The following COL21A1 variants were observed in gnomAD, a reference collection of about 807,000 sequenced individuals.
COL21A1 encodes collagen alpha-1(XXI) chain.
COL21A1 carries 149 observed loss-of-function variants against 137.9 expected under a neutral mutation model. The ratio of observed to expected loss-of-function variants is 1.08; its 90% CI spans 0.95 to 1.24. COL21A1 has a LOEUF of 1.24. Ranked by LOEUF, COL21A1 falls within the 50% of genes most tolerant of loss-of-function variation. The pLI, the probability that COL21A1 is intolerant of heterozygous loss-of-function variation, is 0.00. For synonymous variants in COL21A1, 456 were observed against 391.5 expected (o/e 1.16, Z -1.95); for missense variants, 1,167 against 1,158.4 (o/e 1.01, Z -0.11).
chr6:56,295,013 T>TTTTTATA (rs1764130800), intron 1 of COL21A1, among the ~76,000 whole-genome samples: 1 of 151,992 alleles, frequency 6.6e-6, no homozygotes, highest in Non-Finnish European at 1.5e-5. Context: ...AAAGTCAAAG[T>TTTTTATA]CACTTAAGAG....
intron 1 of COL21A1, among the ~76,000 whole-genome samples, chr6:56,364,460 T>A (rs1306025894): frequency 1.3e-5 from 2 of 152,206 alleles, no homozygotes; most frequent in East Asian, 3.8e-4. Context: ...TTCCCATTTG[T>A]CTAGAAGAGA....
intron 17 of COL21A1, among the ~76,000 whole-genome samples, chr6:56,092,827 T>G (rs770552311): frequency 2.0e-5 from 3 of 152,158 alleles, no homozygotes; most frequent in Non-Finnish European, 4.4e-5. Context: ...ACAACAGAAT[T>G]TTATTCCCTC....
At chr6:56,181,679 A>G (rs1777902847) in intron 2 of COL21A1, among the ~76,000 whole-genome samples, 1 of 152,170 alleles carries the variant, frequency 6.6e-6, no homozygotes, top group Non-Finnish European at 1.5e-5. Context: ...CATAATATCC[A>G]TCCTGAGAAC....
intron 1 of COL21A1, among the ~76,000 whole-genome samples, chr6:56,293,860 G>A (rs1764108641): frequency 6.6e-6 from 1 of 152,116 alleles, no homozygotes; most frequent in South Asian, 2.1e-4. Flanking sequence ...AATGCATTCA[G>A]CCATGAGAAA....
At chr6:56,225,480 T>C (rs142730707) in intron 1 of COL21A1, among the ~76,000 whole-genome samples, 18 of 152,182 alleles carry the variant, frequency 1.2e-4, no homozygotes, top group Non-Finnish European at 2.5e-4. Context: ...CTATGGTAGC[T>C]AGTGGAATGA....
intron 1 of COL21A1, among the ~76,000 whole-genome samples, chr6:56,260,711 GGC>G (rs1763246866): frequency 6.7e-6 from 1 of 150,236 alleles, no homozygotes. Context: ...CAGGCAGGCA[GGC>G]AGGAAGGGAG....
chr6:56,203,972 G>A (rs577290244), intron 1 of COL21A1, among the ~76,000 whole-genome samples: 31 of 152,296 alleles, frequency 2.0e-4, no homozygotes, highest in African/African-American at 7.0e-4. Context: ...TTCACAACTA[G>A]CAAACCAGGA....
chr6:56,242,663 G>A (rs1782401980), intron 1 of COL21A1, among the ~76,000 whole-genome samples: 1 of 152,042 alleles, frequency 6.6e-6, no homozygotes, highest in South Asian at 2.1e-4. Context: ...TATTTCATTG[G>A]TAAAAACCAA....
In COL21A1 at chr6:56,059,165, C is replaced by A; in HGVS notation, c.2686G>T (p.Gly896Cys). The change falls in exon 29 of 30, where the codon GGT becomes TGT. Residue 896 changes from glycine to cysteine, a missense_variant and splice_region_variant. Gly to Cys is a radical substitution (Grantham distance 159, BLOSUM62 -3). Coordinates refer to ENST00000244728, the MANE Select transcript of COL21A1 (RefSeq NM_030820.4). ...PGEQGPPGPP[G>C]PEGPPGISKE... ...CTTATGAGCAGGTAGCAATTCTCAC[C>A]TGGGGGACCAGGAGGACCTTGTTCT... 6.2e-7 allele frequency: 1 copy of A among 1,611,702 alleles called. No homozygotes were observed. Among genetic ancestry groups the A allele is most frequent in the Non-Finnish European group, 8.5e-7 (1 of 1,178,780 alleles).
rs371980405 is a variant in COL21A1, at chr6:56,168,245, T to A, written c.1079A>T (p.Asp360Val). 1 of 1,570,308 alleles carries A rather than the reference T, an allele frequency of 6.4e-7. No individual in the cohort carries two copies. Among genetic ancestry groups the A allele is most frequent in the African/African-American group, 1.3e-5 (1 of 74,422 alleles). ...HQIRLLVTEQ[D>V]VTLYIDDQQI... is the part of the protein sequence containing the mutation. ...TTGGTCATCAATATACAAAGTCACA[T>A]CTTGTTCTGTTACTAAGAGACGAAT... Residue 360 changes from aspartate (D) to valine (V), a missense_variant, in exon 6 of 30, where the codon GAT (aspartate) becomes GTT (valine). Transcript: ENST00000244728.
At chr6:56,305,181 G>C (rs972184428) in intron 1 of COL21A1, among the ~76,000 whole-genome samples, 3 of 152,102 alleles carry the variant, frequency 2.0e-5, no homozygotes, top group African/African-American at 7.2e-5. Flanking sequence ...AATAAGTGTG[G>C]TGTGGTGCTG....
intron 1 of COL21A1, among the ~76,000 whole-genome samples, chr6:56,354,817 C>T (rs1318684893): frequency 6.6e-6 from 1 of 152,096 alleles, no homozygotes; most frequent in Non-Finnish European, 1.5e-5. Flanking sequence ...TGTGATCGCA[C>T]CACTGCACTC....
At chr6:56,098,394 TATATATATAAATATATATAA>T (rs1562191878) in intron 17 of COL21A1, among the ~76,000 whole-genome samples, 21 of 8,458 alleles carry the variant, frequency 2.5e-3, no homozygotes, top group Non-Finnish European at 3.4e-3. Flanking sequence ...AATATATAAA[TATATATATAAATATATATAA>T]ATATATAAAT....
chr6:56,125,679 GA>G, intron 13 of COL21A1, 59 bp from the exon 14 acceptor site: 2 of 1,096,104 alleles, frequency 1.8e-6, no homozygotes, highest in Non-Finnish European at 2.5e-6. Context: ...TTCTTATAAA[GA>G]AAAAATACAG....
chr6:56,112,931 G>A (rs192985975), intron 16 of COL21A1, among the ~76,000 whole-genome samples: 2 of 151,986 alleles, frequency 1.3e-5, no homozygotes, highest in African/African-American at 2.4e-5. Flanking sequence ...TGATCTGCCC[G>A]CCTTGCCCTC....
chr6:56,305,712 T>C (rs1340681374), intron 1 of COL21A1, among the ~76,000 whole-genome samples: 3 of 152,186 alleles, frequency 2.0e-5, no homozygotes, highest in African/African-American at 7.2e-5. Flanking sequence ...TGCCCTTTAA[T>C]TGGAGCATTT....
At position 56,125,200 on chromosome 6, in the gene COL21A1, T is replaced by C. The variant is rs1201827798; in HGVS notation, c.1650+367A>G. 4.0e-5 allele frequency among the ~76,000 whole-genome samples: 6 copies of C among 151,144 alleles called. No homozygotes were observed. The East Asian group carries it at 9.8e-4, about 25-fold the overall frequency. ...CACGCCCAGCTACTTTTTGTATTTT[T>C]AGTAGAGACAGGGTTTTACCATGTT... On this transcript the variant is annotated intron_variant, in intron 14 of 29. Transcript: ENST00000244728.
At chr6:56,214,273 A>G (rs997158625) in intron 1 of COL21A1, among the ~76,000 whole-genome samples, 24 of 152,090 alleles carry the variant, frequency 1.6e-4, no homozygotes, top group African/African-American at 5.8e-4. Flanking sequence ...AATTTGGGCT[A>G]ATTTCAACTA....
At chr6:56,276,741 T>C (rs1024228288) in intron 1 of COL21A1, 61 of 1,320,752 alleles carry the variant, frequency 4.6e-5, no homozygotes, top group Non-Finnish European at 6.6e-5. Context: ...AGAACTGCCA[T>C]CAAGTATCCA....
Sources: allele counts gnomAD v4.1 joint callset (sites outside exome capture counted in the v4.1 genomes callset), GRCh38; gene constraint gnomAD v4.1.1; transcripts MANE v1.5; gene names NCBI Gene and HGNC (gene_info 2026-07-23, HGNC 2026-07-21).